Variants in CA10 observed in about 807,000 individuals in gnomAD.
CA10 encodes carbonic anhydrase 10 (inactive).
In CA10, 14 loss-of-function variants were observed where a neutral mutation model predicts 44.2. The observed-to-expected ratio is 0.32, with a 90% CI of 0.21 to 0.50. CA10 has a LOEUF of 0.50. CA10 is among the 20% of genes least tolerant of loss of function. The pLI, the probability that CA10 is intolerant of heterozygous loss-of-function variation, is 0.99. For synonymous variants in CA10, 159 were observed against 141.6 expected, an observed-to-expected ratio of 1.12 and a Z score of -0.87; for missense variants, 350 against 409.7, an observed-to-expected ratio of 0.85 and a Z score of 1.26.
At chr17:51,858,008 T>C (rs1285305961) in intron 3 of CA10, among the ~76,000 whole-genome samples, 3 of 152,174 alleles carry the variant, frequency 2.0e-5, no homozygotes. Flanking sequence ...GTCAACTTCA[T>C]ATTAACTTTT....
chr17:51,929,358 A>C (rs780209641), intron 3 of CA10, among the ~76,000 whole-genome samples: 1 of 152,156 alleles, frequency 6.6e-6, no homozygotes, highest in Non-Finnish European at 1.5e-5. Context: ...AAACCCCTTC[A>C]AATGCTTGCC....
At chr17:51,798,220 T>C (rs1220710784) in intron 3 of CA10, among the ~76,000 whole-genome samples, 2 of 152,234 alleles carry the variant, frequency 1.3e-5, no homozygotes, top group African/African-American at 4.8e-5. Context: ...CAAAAATATG[T>C]AATCCTCCTT....
intron 5 of CA10, among the ~76,000 whole-genome samples, chr17:51,651,607 A>G (rs1913568702): frequency 6.6e-6 from 1 of 152,230 alleles, no homozygotes; most frequent in African/African-American, 2.4e-5. Context: ...TGCAAACCCC[A>G]GCTGCTAGTC....
intron 6 of CA10, among the ~76,000 whole-genome samples, chr17:51,645,031 C>T (rs1057422891): frequency 7.2e-5 from 11 of 152,076 alleles, no homozygotes; most frequent in Admixed American, 3.3e-4. Flanking sequence ...CTCCTGACCT[C>T]GTGATCCACC....
chr17:52,106,162 G>A (rs1303195928), intron 1 of CA10, among the ~76,000 whole-genome samples: 2 of 152,190 alleles, frequency 1.3e-5, no homozygotes, highest in Non-Finnish European at 2.9e-5. Context: ...ATGCACAAAC[G>A]AATGGATTAC....
At chr17:51,666,661 C>T (rs1023228272) in intron 4 of CA10, among the ~76,000 whole-genome samples, 1 of 151,990 alleles carries the variant, frequency 6.6e-6, no homozygotes, top group Non-Finnish European at 1.5e-5. Context: ...AATTTAATAA[C>T]CTCTCTCATG....
chr17:51,781,635 G>A (rs1462745726), intron 3 of CA10, among the ~76,000 whole-genome samples: 1 of 152,152 alleles, frequency 6.6e-6, no homozygotes, highest in Non-Finnish European at 1.5e-5. Flanking sequence ...TACAGAACCA[G>A]AAACACAATA....
At chr17:52,054,840 A>G (rs1178083921) in intron 2 of CA10, among the ~76,000 whole-genome samples, 1 of 152,162 alleles carries the variant, frequency 6.6e-6, no homozygotes, top group Non-Finnish European at 1.5e-5. Context: ...AAAACTATCC[A>G]GAATGAGAGA....
intron 1 of CA10, among the ~76,000 whole-genome samples, chr17:52,104,438 A>G (rs1389818233): frequency 1.3e-5 from 2 of 152,036 alleles, no homozygotes; most frequent in African/African-American, 4.8e-5. Context: ...TCCTGAGCTC[A>G]AGCAACCCGC....
At chr17:51,714,736 A>G (rs1916044753) in intron 4 of CA10, among the ~76,000 whole-genome samples, 1 of 152,192 alleles carries the variant, frequency 6.6e-6, no homozygotes, top group Non-Finnish European at 1.5e-5. Flanking sequence ...ATTACAGACA[A>G]AAGAAATCTG....
At chr17:51,842,905 A>C (rs1978345940) in intron 3 of CA10, among the ~76,000 whole-genome samples, 1 of 152,220 alleles carries the variant, frequency 6.6e-6, no homozygotes, top group African/African-American at 2.4e-5. Flanking sequence ...AATGGGAACT[A>C]TGCAGAATGG....
intron 3 of CA10, among the ~76,000 whole-genome samples, chr17:51,921,351 T>C (rs773836083): frequency 6.6e-6 from 1 of 152,222 alleles, no homozygotes; most frequent in Non-Finnish European, 1.5e-5. Flanking sequence ...GCTTGAATTC[T>C]TATTTTGAAT....
intron 3 of CA10, among the ~76,000 whole-genome samples, chr17:51,871,050 CTTTT>C (rs56319440): frequency 8.2e-4 from 78 of 94,822 alleles, no homozygotes; most frequent in Non-Finnish European, 1.4e-3. Context: ...TCCCACTTTA[CTTTT>C]TTTTTTTTTT....
chr17:51,899,519 T>C (rs1981219921), intron 3 of CA10, among the ~76,000 whole-genome samples: 1 of 149,686 alleles, frequency 6.7e-6, no homozygotes, highest in African/African-American at 2.5e-5. Context: ...AAAATGTATA[T>C]ACTGTTGTTT....
intron 3 of CA10, among the ~76,000 whole-genome samples, chr17:51,872,741 G>T (rs756330935): frequency 3.9e-5 from 6 of 152,180 alleles, no homozygotes; most frequent in African/African-American, 7.2e-5. Flanking sequence ...TTGGTAGCTT[G>T]AAATTGGCCA....
intron 2 of CA10, among the ~76,000 whole-genome samples, chr17:52,002,840 C>G (rs565045160): frequency 2.0e-5 from 3 of 152,022 alleles, no homozygotes; most frequent in Non-Finnish European, 4.4e-5. Context: ...TTATTGTTGT[C>G]TTTTAACATA....
At chr17:51,879,362 TTTC>T (rs1980258401) in intron 3 of CA10, among the ~76,000 whole-genome samples, 1 of 152,176 alleles carries the variant, frequency 6.6e-6, no homozygotes, top group Admixed American at 6.5e-5. Flanking sequence ...TTTTAATTAT[TTTC>T]TTCTTCTACT....
chr17:51,678,541 C>T (rs950788916), intron 4 of CA10, among the ~76,000 whole-genome samples: 4 of 152,134 alleles, frequency 2.6e-5, no homozygotes, highest in African/African-American at 4.8e-5. Context: ...ACACAGATGA[C>T]GAATACGCAG....
rs190012876 is a variant in CA10 at position 51,683,323 on chromosome 17, G to C, written c.466-29587C>G. ...GCTGTAACTGGAGTCCAAGGACTGA[G>C]TTACAGCTCTGTAATTTATTAGCTC... On this transcript the variant is annotated intron_variant, in intron 4 of 8. Coordinates refer to ENST00000451037, the MANE Select transcript of CA10 (RefSeq NM_020178.5). Among the ~76,000 whole-genome samples, 26 of 152,272 alleles carry C rather than the reference G, an allele frequency of 1.7e-4. No individual in the cohort carries two copies. In the East Asian group the frequency reaches 4.6e-3, roughly 27 times the overall value.
Sources: gnomAD v4.1 joint callset for allele counts (sites outside exome capture counted in the v4.1 genomes callset) on GRCh38, gnomAD v4.1.1 for gene constraint, MANE v1.5 for transcripts, NCBI Gene and HGNC (gene_info 2026-07-23, HGNC 2026-07-21) for gene names.